The following CDH8 variants were observed in gnomAD, a reference collection of about 807,000 sequenced individuals.
CDH8 encodes cadherin-8.
In CDH8, 17 loss-of-function variants were observed where a neutral mutation model predicts 68.1. That is an observed-to-expected ratio of 0.25 (90% confidence interval 0.17 to 0.37). The LOEUF is 0.37. Ranked by LOEUF, CDH8 falls within the 10% of genes least tolerant of loss-of-function variation. The probability of loss-of-function intolerance (pLI) is 1.00; values close to 1 mark genes in which losing one functional copy is unlikely to be tolerated. For missense variants in CDH8, 763 were observed against 999.3 expected (o/e 0.76, Z 3.19); for synonymous variants, 372 against 365.1 (o/e 1.02, Z -0.21).
chr16:61,727,422 A>G (rs908973882), intron 8 of CDH8, among the ~76,000 whole-genome samples: 4 of 151,118 alleles, frequency 2.6e-5, no homozygotes, highest in Admixed American at 6.6e-5. Flanking sequence ...TTCAAACACC[A>G]TTTGCTGAGT....
intron 9 of CDH8, among the ~76,000 whole-genome samples, chr16:61,720,545 AT>A (rs1427980514): frequency 5.3e-5 from 8 of 150,982 alleles, no homozygotes; most frequent in Non-Finnish European, 7.4e-5. Flanking sequence ...AAAACGTGAA[AT>A]TTGTAACCAT....
At chr16:61,816,190 T>C (rs1962070697) in intron 7 of CDH8, among the ~76,000 whole-genome samples, 1 of 152,118 alleles carries the variant, frequency 6.6e-6, no homozygotes, top group African/African-American at 2.4e-5. Context: ...TGTAGTCTTA[T>C]TTGTTATTCT....
chr16:61,924,241 G>A (rs1382939281), intron 2 of CDH8, among the ~76,000 whole-genome samples: 1 of 151,956 alleles, frequency 6.6e-6, no homozygotes, highest in Non-Finnish European at 1.5e-5. Context: ...ATCAATTTTA[G>A]GTTCCAAACA....
At chr16:61,768,398 TTCTCTC>T (rs530131371) in intron 8 of CDH8, among the ~76,000 whole-genome samples, 17 of 35,218 alleles carry the variant, frequency 4.8e-4, no homozygotes, top group South Asian at 1.3e-3. Flanking sequence ...CTCTCTCCCT[TTCTCTC>T]TCTCTCTCTC....
intron 2 of CDH8, among the ~76,000 whole-genome samples, chr16:61,937,372 G>C (rs1009510400): frequency 8.5e-5 from 13 of 152,192 alleles, no homozygotes; most frequent in Non-Finnish European, 1.6e-4. Context: ...CAATCACTAG[G>C]AAAGACGCAG....
chr16:61,847,611 C>G (rs1194046229), intron 4 of CDH8, among the ~76,000 whole-genome samples: 4 of 148,212 alleles, frequency 2.7e-5, no homozygotes, highest in Admixed American at 1.4e-4. Flanking sequence ...TGGGTGGAAA[C>G]TTATGATGTT....
intron 3 of CDH8, among the ~76,000 whole-genome samples, chr16:61,867,945 C>T (rs1378554488): frequency 6.6e-6 from 1 of 152,134 alleles, no homozygotes; most frequent in Non-Finnish European, 1.5e-5. Flanking sequence ...TCTCAACTTT[C>T]CCCTCTCATC....
rs2142732968 is a variant in CDH8, at chr16:61,652,607, T to A, written c.*1001A>T. On this transcript the variant is annotated 3_prime_UTR_variant, in exon 12 of 12. Transcript: ENST00000577390. The stretch of plus-strand genomic sequence containing the variant: ...GCCTGCCATACTCATCTCATCAAAA[T>A]GTACATGTATTAAACATTCATTGTA... The A allele has an allele frequency of 9.8e-7, 1 of 1,025,176 alleles. No individual in the cohort carries two copies. Among genetic ancestry groups the A allele is most frequent in the African/African-American group, 1.7e-5 (1 of 60,176 alleles). The allele number at this position is 1,025,176 out of a possible 1,614,324, so 63.5% of individuals were successfully genotyped here.
chr16:61,735,363 GA>G, intron 8 of CDH8, among the ~76,000 whole-genome samples: 1 of 150,298 alleles, frequency 6.7e-6, no homozygotes, highest in African/African-American at 2.5e-5. Context: ...CTAGAAAACA[GA>G]GATATGCGAC....
At chr16:61,705,575 A>G (rs113027653) in intron 10 of CDH8, among the ~76,000 whole-genome samples, 15 of 152,306 alleles carry the variant, frequency 9.8e-5, no homozygotes, top group African/African-American at 3.6e-4. Context: ...CTCAGGCATA[A>G]TAAGGACACC....
intron 8 of CDH8, among the ~76,000 whole-genome samples, chr16:61,769,109 T>C (rs1273602441): frequency 1.3e-5 from 2 of 151,814 alleles, no homozygotes; most frequent in Non-Finnish European, 1.5e-5. Context: ...AAGTGCCATA[T>C]AGTCTCTGGA....
intron 1 of CDH8, among the ~76,000 whole-genome samples, chr16:62,024,608 T>G (rs1440715705): frequency 6.6e-6 from 1 of 152,134 alleles, no homozygotes; most frequent in Non-Finnish European, 1.5e-5. Context: ...GATAATAGAC[T>G]CTGGACCAAT....
At chr16:61,948,932 A>G (rs907453599) in intron 2 of CDH8, among the ~76,000 whole-genome samples, 1 of 152,242 alleles carries the variant, frequency 6.6e-6, no homozygotes, top group East Asian at 1.9e-4. Context: ...TTCAAAAGTA[A>G]TCTTACATAT....
At chr16:61,973,536 A>C (rs1385813694) in intron 2 of CDH8, among the ~76,000 whole-genome samples, 1 of 152,160 alleles carries the variant, frequency 6.6e-6, no homozygotes, top group Non-Finnish European at 1.5e-5. Context: ...GGCTCTTCAG[A>C]GTCCTGAATC....
chr16:61,738,033 T>C (rs1959751151), intron 8 of CDH8, among the ~76,000 whole-genome samples: 1 of 152,148 alleles, frequency 6.6e-6, no homozygotes, highest in Admixed American at 6.6e-5. Flanking sequence ...GGCTTTAGTG[T>C]CTAATGAACA....
At chr16:61,713,739 T>G (rs890227339) in intron 10 of CDH8, 102 bp downstream of exon 10, 6 of 674,058 alleles carry the variant, frequency 8.9e-6, no homozygotes, top group Non-Finnish European at 1.6e-5. Flanking sequence ...TGCTCATAGT[T>G]GAACAAAAAT....
At chr16:61,834,181 T>C (rs1962519495) in intron 4 of CDH8, among the ~76,000 whole-genome samples, 1 of 151,972 alleles carries the variant, frequency 6.6e-6, no homozygotes, top group East Asian at 1.9e-4. Flanking sequence ...ATGCAACCAC[T>C]TGAAAACTAT....
At position 61,651,179 on chromosome 16, in the gene CDH8, T is replaced by A. The variant is rs750611596; in HGVS notation, c.*2429A>T. The A allele has an allele frequency of 1.3e-5, 2 of 152,052 alleles. No individual in the cohort carries two copies. The highest frequency in any genetic ancestry group is 2.4e-5 in the African/African-American group (1 of 41,410). 9.4% of individuals were successfully genotyped at this position (152,052 alleles called of 1,614,324 possible). A position where few individuals can be genotyped will look rare whatever the true frequency, so the allele number is the denominator to read the frequency against. On this transcript the variant is annotated 3_prime_UTR_variant, in exon 12 of 12. Coordinates refer to ENST00000577390, the MANE Select transcript of CDH8 (RefSeq NM_001796.5). Reference sequence around the variant, plus strand: ...TCAAGAGATACATAAAACATAATAATCTCTCCTTGGTTTGGAAGGTGTAAG... The same window carrying A: ...TCAAGAGATACATAAAACATAATAAACTCTCCTTGGTTTGGAAGGTGTAAG...
At chr16:61,792,941 A>G (rs961971127) in intron 7 of CDH8, among the ~76,000 whole-genome samples, 1 of 151,980 alleles carries the variant, frequency 6.6e-6, no homozygotes, top group Non-Finnish European at 1.5e-5. Flanking sequence ...ACTGGGACAC[A>G]ACATTCTATG....
Sources: gnomAD v4.1 joint callset for allele counts (sites outside exome capture counted in the v4.1 genomes callset) on GRCh38, gnomAD v4.1.1 for gene constraint, MANE v1.5 for transcripts, NCBI Gene and HGNC (gene_info 2026-07-23, HGNC 2026-07-21) for gene names.